NAV1: variants seen among roughly 807,000 people sequenced by gnomAD.
The protein encoded by NAV1 is neuron navigator 1, also known as pore membrane and/or filament interacting like protein 3.
A neutral mutation model predicts 175.2 loss-of-function variants in NAV1; 18 were observed. The observed-to-expected ratio is 0.10, with a 90% CI of 0.07 to 0.15. NAV1 has a LOEUF of 0.15. Among genes scored for constraint, NAV1 ranks in the 10% least tolerant of loss-of-function variants. The pLI is 1.00. For synonymous variants in NAV1, 897 were observed against 978.7 expected (o/e 0.92, Z 1.56); for missense variants, 1,731 against 2,436.6 (o/e 0.71, Z 6.10).
At chr1:201,591,459 C>T (rs1209525177) in intron 2 of NAV1, among the ~76,000 whole-genome samples, 1 of 152,110 alleles carries the variant, frequency 6.6e-6, no homozygotes, top group African/African-American at 2.4e-5. Flanking sequence ...TTTGAGTAGC[C>T]CCAGGTGCTC....
chr1:201,595,206 T>C (rs1346127663), intron 2 of NAV1, among the ~76,000 whole-genome samples: 1 of 152,216 alleles, frequency 6.6e-6, no homozygotes, highest in Non-Finnish European at 1.5e-5. Flanking sequence ...CTGCCTCTGC[T>C]GCAAAGCCTG....
chr1:201,666,670 G>A (rs125872), intron 1 of NAV1, among the ~76,000 whole-genome samples: 23,471 of 152,184 alleles, frequency 0.15, 2,029 homozygotes, highest in African/African-American at 0.23. Context: ...GGAAGATGTT[G>A]CCTACCTGTA....
chr1:201,758,825 G>A (rs939444374), intron 3 of NAV1, among the ~76,000 whole-genome samples: 11 of 152,186 alleles, frequency 7.2e-5, no homozygotes, highest in African/African-American at 1.7e-4. Context: ...CGTAATGGAA[G>A]TATTTGTAGT....
intron 1 of NAV1, among the ~76,000 whole-genome samples, chr1:201,664,686 G>T (rs1015413476): frequency 6.6e-6 from 1 of 152,174 alleles, no homozygotes; most frequent in African/African-American, 2.4e-5. Flanking sequence ...ACAACCCACT[G>T]GTTGGTTGGA....
intron 1 of NAV1, among the ~76,000 whole-genome samples, chr1:201,543,167 G>A (rs999916749): frequency 6.6e-6 from 1 of 152,172 alleles, no homozygotes; most frequent in Non-Finnish European, 1.5e-5. Flanking sequence ...ATAATGTTGA[G>A]TGGCAGTGGT....
chr1:201,575,507 T>G (rs1426891278), intron 1 of NAV1, among the ~76,000 whole-genome samples: 1 of 152,168 alleles, frequency 6.6e-6, no homozygotes, highest in African/African-American at 2.4e-5. Context: ...GTTGCAGTAT[T>G]CAGAACTGCG....
intron 15 of NAV1, chr1:201,794,846 A>G: frequency 2.5e-6 from 1 of 402,666 alleles, no homozygotes; most frequent in Non-Finnish European, 4.5e-6. Context: ...CCAAAGAGCC[A>G]TCAAAGACCA....
chr1:201,743,990 TTCTC>T (rs1344283211), intron 3 of NAV1, among the ~76,000 whole-genome samples: 1 of 152,188 alleles, frequency 6.6e-6, no homozygotes, highest in African/African-American at 2.4e-5. Flanking sequence ...ATTCAAGCGA[TTCTC>T]CTGCCTCAGC....
chr1:201,775,290 T>A (rs1675861668), intron 3 of NAV1, among the ~76,000 whole-genome samples: 1 of 152,192 alleles, frequency 6.6e-6, no homozygotes, highest in Admixed American at 6.5e-5. Flanking sequence ...AATAAAACTT[T>A]GCATATTGAA....
chr1:201,711,556 C>G (rs950287829), intron 1 of NAV1, among the ~76,000 whole-genome samples: 6 of 152,270 alleles, frequency 3.9e-5, no homozygotes, highest in African/African-American at 1.4e-4. Context: ...ACTGAGGGGG[C>G]GTTTGGCCTC....
intron 13 of NAV1, chr1:201,793,576 G>T: frequency 1.9e-6 from 1 of 525,584 alleles, no homozygotes. Context: ...CCTCAACCTG[G>T]CTTCATTATT....
chr1:201,587,788 A>G (rs775015250), intron 1 of NAV1, among the ~76,000 whole-genome samples: 1 of 152,234 alleles, frequency 6.6e-6, no homozygotes, highest in Admixed American at 6.5e-5. Context: ...AAGACAATAC[A>G]CAAATGGAAA....
intron 1 of NAV1, among the ~76,000 whole-genome samples, chr1:201,677,331 T>A (rs1247316828): frequency 1.3e-5 from 2 of 151,838 alleles, no homozygotes; most frequent in African/African-American, 4.8e-5. Context: ...CCAGAAGGTC[T>A]GAGCAAAGCT....
chr1:201,552,385 G>A (rs561634337), intron 1 of NAV1, among the ~76,000 whole-genome samples: 1 of 152,264 alleles, frequency 6.6e-6, no homozygotes, highest in African/African-American at 2.4e-5. Flanking sequence ...AAGCTGAGGT[G>A]GGTAAAGGGA....
intron 3 of NAV1, among the ~76,000 whole-genome samples, chr1:201,732,695 A>T (rs549182131): frequency 6.6e-6 from 1 of 152,248 alleles, no homozygotes; most frequent in Non-Finnish European, 1.5e-5. Context: ...TACATTCCAC[A>T]AACACTTGTA....
intron 3 of NAV1, among the ~76,000 whole-genome samples, chr1:201,760,130 A>G (rs182324567): frequency 9.8e-5 from 15 of 152,326 alleles, no homozygotes; most frequent in African/African-American, 3.4e-4. Context: ...CAAAACTTCA[A>G]AATAATCCTA....
intron 1 of NAV1, among the ~76,000 whole-genome samples, chr1:201,676,349 C>T (rs1670248552): frequency 6.6e-6 from 1 of 152,196 alleles, no homozygotes; most frequent in African/African-American, 2.4e-5. Flanking sequence ...GGTTTCAGGG[C>T]TCAGGGACTC....
At chr1:201,816,989 T>G (rs1679079573) in intron 28 of NAV1, 99 bp from the exon 33 acceptor site, 1 of 1,125,290 alleles carries the variant, frequency 8.9e-7, no homozygotes, top group African/African-American at 1.6e-5. Flanking sequence ...GTGCATATTT[T>G]TAAGGAGCCT....
At chr1:201,775,335 C>T (rs1005784803) in intron 3 of NAV1, among the ~76,000 whole-genome samples, 8 of 152,318 alleles carry the variant, frequency 5.3e-5, no homozygotes, top group Admixed American at 6.5e-5. Flanking sequence ...TAACTCAGCT[C>T]GTAGAATGCT....
Sources: gnomAD v4.1 joint callset for allele counts (sites outside exome capture counted in the v4.1 genomes callset) on GRCh38, gnomAD v4.1.1 for gene constraint, MANE v1.5 for transcripts, NCBI Gene and HGNC (gene_info 2026-07-23, HGNC 2026-07-21) for gene names.